NAALADL2: variants seen among roughly 807,000 people sequenced by gnomAD.
NAALADL2 encodes the protein inactive N-acetylated-alpha-linked acidic dipeptidase-like protein 2.
Under a neutral mutation model 87.2 loss-of-function variants are expected in NAALADL2, and 76 were observed. The observed-to-expected ratio is 0.87, with a 90% CI of 0.72 to 1.05. NAALADL2 has a LOEUF of 1.05. Among genes scored for constraint, NAALADL2 ranks in the 50% least tolerant of loss-of-function variants. The pLI is 0.00. For missense variants in NAALADL2, 1,089 were observed against 945.8 expected (o/e 1.15, Z -1.99); for synonymous variants, 354 against 331.0 (o/e 1.07, Z -0.75).
chr3:174,483,360 G>A (rs1303286490), intron 1 of NAALADL2, among the ~76,000 whole-genome samples: 2 of 152,006 alleles, frequency 1.3e-5, no homozygotes, highest in Admixed American at 1.3e-4. Flanking sequence ...GAAGTGCTGA[G>A]TGAAGGGGGA....
chr3:174,704,361 A>G (rs1041590869), intron 2 of NAALADL2, among the ~76,000 whole-genome samples: 6 of 152,196 alleles, frequency 3.9e-5, no homozygotes, highest in Non-Finnish European at 1.5e-5. Flanking sequence ...GGTTTCTATT[A>G]CAATTGGTGA....
chr3:174,700,326 G>A (rs1032732675), intron 2 of NAALADL2, among the ~76,000 whole-genome samples: 1 of 151,248 alleles, frequency 6.6e-6, no homozygotes, highest in Admixed American at 6.6e-5. Context: ...AAAATACATG[G>A]GCTAAAATTC....
intron 1 of NAALADL2, among the ~76,000 whole-genome samples, chr3:174,929,093 A>G (rs1205212462): frequency 6.6e-6 from 1 of 152,176 alleles, no homozygotes; most frequent in Non-Finnish European, 1.5e-5. Flanking sequence ...CTGAAAAAAT[A>G]AAGGAGCCAG....
At chr3:174,707,789 T>G (rs1347678903) in intron 2 of NAALADL2, among the ~76,000 whole-genome samples, 2 of 149,712 alleles carry the variant, frequency 1.3e-5, no homozygotes, top group African/African-American at 4.9e-5. Flanking sequence ...GAACTTAAAG[T>G]ATAATAAAAA....
In NAALADL2 at chr3:175,224,198, G is replaced by A. The variant is rs116098103; in HGVS notation, c.546-9733G>A. On this transcript the variant is annotated intron_variant, in intron 2 of 13. Coordinates refer to ENST00000454872, the MANE Select transcript of NAALADL2 (RefSeq NM_207015.3). ...GGTCTGGGTGGGAGTAGTCTGGGCGGTTTGGCTTGCTGCCCGGAGGATATT... is the reference window on the plus strand; with the variant it reads ...GGTCTGGGTGGGAGTAGTCTGGGCGATTTGGCTTGCTGCCCGGAGGATATT... Among the ~76,000 whole-genome samples, 242 of 152,208 alleles carry A rather than the reference G, an allele frequency of 1.6e-3. 1 individual carries two copies. Among genetic ancestry groups the A allele is most frequent in the African/African-American group, 5.6e-3 (233 of 41,544 alleles).
chr3:175,017,741 A>T (rs1751035625), intron 1 of NAALADL2, among the ~76,000 whole-genome samples: 2 of 152,098 alleles, frequency 1.3e-5, no homozygotes, highest in African/African-American at 4.8e-5. Context: ...AATTATCACT[A>T]AATAATATTT....
At chr3:174,622,768 C>T (rs35563427) in intron 2 of NAALADL2, among the ~76,000 whole-genome samples, 57,486 of 151,858 alleles carry the variant, frequency 0.38, 12,131 homozygotes, top group Middle Eastern at 0.51. Flanking sequence ...GGGCCGGGCG[C>T]GGTGGCTCAC....
rs578157124 is a variant in NAALADL2 at position 175,227,172 on chromosome 3, A to G, written c.546-6759A>G. On this transcript the variant is annotated intron_variant, in intron 2 of 13. Coordinates refer to ENST00000454872, the MANE Select transcript of NAALADL2 (RefSeq NM_207015.3). ...ATGTTTTTGTTCCCCATTCATTTAC[A>G]GTATACTCTTGGCATTCAACCTGGT... Among the ~76,000 whole-genome samples, 5 of 152,140 alleles carry G rather than the reference A, an allele frequency of 3.3e-5. No homozygotes were observed. In the South Asian group the frequency reaches 1.0e-3, roughly 32 times the overall value.
At position 175,804,070 on chromosome 3, in the gene NAALADL2, T is replaced by G. The variant is rs1754494889; in HGVS notation, c.*867T>G. The G allele has an allele frequency of 6.6e-6, 1 of 151,938 alleles. No homozygotes were observed. Among genetic ancestry groups the G allele is most frequent in the Admixed American group, 6.6e-5 (1 of 15,202 alleles). The allele number at this position is 151,938 out of a possible 1,614,324, so 9.4% of individuals were successfully genotyped here. A position where few individuals can be genotyped will look rare whatever the true frequency, so the allele number is the denominator to read the frequency against. ...ACATTGGTTTTCTTTCTTGTATCTT[T>G]TCTGAAACTCCTTGCTGTAAGGCAG... On this transcript the variant is annotated 3_prime_UTR_variant, in exon 14 of 14. Coordinates refer to ENST00000454872, the MANE Select transcript of NAALADL2 (RefSeq NM_207015.3).
intron 2 of NAALADL2, among the ~76,000 whole-genome samples, chr3:174,623,843 G>T (rs1005544203): frequency 1.3e-5 from 2 of 152,022 alleles, no homozygotes; most frequent in Admixed American, 1.3e-4. Context: ...AGGTGATACA[G>T]AATCTCCTTC....
chr3:174,966,942 AT>A (rs1742961874), intron 1 of NAALADL2, among the ~76,000 whole-genome samples: 1 of 152,176 alleles, frequency 6.6e-6, no homozygotes, highest in Non-Finnish European at 1.5e-5. Context: ...GGTGGAAAAA[AT>A]AAAATAATAA....
At chr3:174,835,855 G>T (rs1723272116) in intron 3 of NAALADL2, among the ~76,000 whole-genome samples, 1 of 152,120 alleles carries the variant, frequency 6.6e-6, no homozygotes, top group Non-Finnish European at 1.5e-5. Context: ...CAAATAACAA[G>T]TATTGGTTAA....
At chr3:175,248,766 A>C (rs1426624066) in intron 3 of NAALADL2, among the ~76,000 whole-genome samples, 2 of 152,220 alleles carry the variant, frequency 1.3e-5, no homozygotes, top group Non-Finnish European at 2.9e-5. Flanking sequence ...GTACATAAAT[A>C]TGTATTCAAA....
Position 174,776,903 on chromosome 3 carries a change from G to A in NAALADL2, c.-9+39157G>A, listed in dbSNP as rs149931667. Among the ~76,000 whole-genome samples, 1,432 of 152,226 alleles carry A rather than the reference G, an allele frequency of 9.4e-3. 11 individuals carry two copies. The highest frequency in any genetic ancestry group is 0.027 in the Middle Eastern group (8 of 294). On this transcript the variant is annotated intron_variant, in intron 3 of 3. Transcript: ENST00000434257. ...GTTCCGAGTGCACAGAACATTGTGT[G>A]ACCATAGAGAAAGCCTTTTAAAAAT...
chr3:174,997,985 G>GT (rs1372263411), intron 1 of NAALADL2, among the ~76,000 whole-genome samples: 9 of 152,138 alleles, frequency 5.9e-5, no homozygotes, highest in Non-Finnish European at 1.3e-4. Context: ...TTTCCTTCGT[G>GT]TTTTTTACTC....
At chr3:175,385,803 A>T (rs1202381177) in intron 5 of NAALADL2, among the ~76,000 whole-genome samples, 2 of 152,122 alleles carry the variant, frequency 1.3e-5, no homozygotes, top group East Asian at 3.9e-4. Flanking sequence ...AAAACAGATG[A>T]ACAGAAGAAA....
chr3:175,361,314 C>A (rs1234812971), intron 5 of NAALADL2, among the ~76,000 whole-genome samples: 1 of 148,616 alleles, frequency 6.7e-6, no homozygotes, highest in Non-Finnish European at 1.5e-5. Flanking sequence ...GTGAATAGTG[C>A]TGTAATAAAC....
intron 3 of NAALADL2, among the ~76,000 whole-genome samples, chr3:174,770,125 C>A (rs762629773): frequency 2.0e-5 from 3 of 152,154 alleles, no homozygotes; most frequent in African/African-American, 7.2e-5. Context: ...CACTCATGTA[C>A]ACAAACACAC....
chr3:174,686,456 TG>T (rs1728048481), intron 2 of NAALADL2, among the ~76,000 whole-genome samples: 2 of 152,206 alleles, frequency 1.3e-5, no homozygotes, highest in African/African-American at 4.8e-5. Flanking sequence ...CTTTGATGAC[TG>T]GTGATGTTAA....
Sources: allele counts gnomAD v4.1 joint callset (sites outside exome capture counted in the v4.1 genomes callset), GRCh38; gene constraint gnomAD v4.1.1; transcripts MANE v1.5; gene names NCBI Gene and HGNC (gene_info 2026-07-23, HGNC 2026-07-21).